The following HDAC4 variants were observed in gnomAD, a reference collection of about 807,000 sequenced individuals.
HDAC4 encodes histone deacetylase A.
A neutral mutation model predicts 135.1 loss-of-function variants in HDAC4; 16 were observed. That is an observed-to-expected ratio of 0.12 (90% CI 0.08 to 0.18). The LOEUF is 0.18. Ranked by LOEUF, HDAC4 falls within the 10% of genes least tolerant of loss-of-function variation. The pLI is 1.00. For missense variants in HDAC4, 1,143 were observed against 1,511.8 expected (o/e 0.76, Z 4.05); for synonymous variants, 685 against 653.4 (o/e 1.05, Z -0.74).
chr2:239,395,490 G>C (rs536277969), intron 1 of HDAC4, among the ~76,000 whole-genome samples: 58 of 152,296 alleles, frequency 3.8e-4, no homozygotes, highest in African/African-American at 1.3e-3. Context: ...ACTTGCCAAG[G>C]ACTTAAAGAG....
chr2:239,063,057 G>A (rs1431750215), intron 24 of HDAC4, among the ~76,000 whole-genome samples: 1 of 152,146 alleles, frequency 6.6e-6, no homozygotes, highest in Non-Finnish European at 1.5e-5. Context: ...TAAGTCTTGT[G>A]CCCTTGGGGC....
Position 239,139,463 on chromosome 2 carries a change from G to T in HDAC4, c.978+221C>A, listed in dbSNP as rs766937872. 6.6e-6 allele frequency among the ~76,000 whole-genome samples: 1 copy of T among 152,200 alleles called. No individual in the cohort carries two copies. On this transcript the variant is annotated intron_variant, in intron 9 of 26. Coordinates refer to ENST00000543185, the MANE Select transcript of HDAC4 (RefSeq NM_001378414.1). The surrounding 1 kb of genome is among the most constrained non-coding windows in gnomAD (Gnocchi z 5.3). ...CTCAGGGCTGTCCCCGACGTGCCTGGAACTAGCGTGTTCATAATGAAAGGA... is the reference window on the plus strand; with the variant it reads ...CTCAGGGCTGTCCCCGACGTGCCTGTAACTAGCGTGTTCATAATGAAAGGA...
At chr2:239,126,725 G>A in intron 11 of HDAC4, 31 bp from the exon 12 acceptor site, 1 of 1,607,954 alleles carries the variant, frequency 6.2e-7, no homozygotes, top group Non-Finnish European at 8.5e-7. Flanking sequence ...AAACAGCAGA[G>A]GGGAAGAGGA....
intron 5 of HDAC4, among the ~76,000 whole-genome samples, chr2:239,172,293 A>AAAAATATATAT (rs1278028621): frequency 7.0e-5 from 8 of 115,052 alleles, no homozygotes; most frequent in African/African-American, 2.5e-4. Flanking sequence ...GGTGAAAAAA[A>AAAAATATATAT]ATATATATAT....
chr2:239,365,258 T>C (rs764486725), intron 1 of HDAC4, among the ~76,000 whole-genome samples: 7 of 152,246 alleles, frequency 4.6e-5, no homozygotes, highest in Non-Finnish European at 7.3e-5. Flanking sequence ...GCGCAAGACT[T>C]CAGATATTTT....
At chr2:239,284,687 G>A (rs1356668363) in intron 2 of HDAC4, among the ~76,000 whole-genome samples, 2 of 152,150 alleles carry the variant, frequency 1.3e-5, no homozygotes, top group African/African-American at 2.4e-5. Context: ...GGGGCCTCCA[G>A]GATCTGCAGG....
At position 239,285,965 on chromosome 2, in the gene HDAC4, C is replaced by T. The variant is rs145648655; in HGVS notation, c.23-49301G>A. 3.9e-3 allele frequency among the ~76,000 whole-genome samples: 588 copies of T among 152,142 alleles called. 5 individuals are homozygous for T. Among genetic ancestry groups the T allele is most frequent in the Non-Finnish European group, 6.3e-3 (426 of 68,000 alleles). ...CAAACAGTAAGACCAGCGAGACATA[C>T]GCTCCCAAGCAAACACAAGCCAACA... is the stretch of plus-strand genomic sequence containing the variant. On this transcript the variant is annotated intron_variant, in intron 2 of 26. Coordinates refer to ENST00000543185, the MANE Select transcript of HDAC4 (RefSeq NM_001378414.1). The surrounding 1 kb of genome is among the most constrained non-coding windows in gnomAD (Gnocchi z 4.5).
Position 239,108,064 on chromosome 2 carries a change from G to A in HDAC4, c.2098C>T (p.Arg700Trp), listed in dbSNP as rs750171912. ...GTCGGCGTTACCTCGCATTTGCCCC[G>A]GAGGCCCGTCTCCTGCAGGCGGGAC... ...IWSRLQETGL[R>W]GKCECIRGRK... is the part of the protein sequence containing the mutation. Residue 700 changes from arginine (R) to tryptophan (W), a missense_variant, in exon 15 of 27, where the codon CGG becomes TGG. This residue lies in a region of HDAC4 where 47 missense variants were observed against 117.2 expected (regional missense o/e 0.40). Coordinates refer to ENST00000543185, the MANE Select transcript of HDAC4 (RefSeq NM_001378414.1). 5 of 1,610,886 alleles carry A rather than the reference G, an allele frequency of 3.1e-6. No homozygotes were observed. The highest frequency in any genetic ancestry group is 1.1e-5 in the South Asian group (1 of 90,970).
rs61007856 is a variant in HDAC4, at chr2:239,335,508, CAAAA to C, written c.22+17166_22+17169del. Reference sequence around the variant, plus strand: ...ATTAAAATTAAGAGCATCTGTTCAGCAAAAAAAAAAAAAAAAAAAAAACACCATT... The same window carrying C: ...ATTAAAATTAAGAGCATCTGTTCAGCAAAAAAAAAAAAAAAAAACACCATT... On this transcript the variant is annotated intron_variant, in intron 2 of 26. Transcript: ENST00000543185. 2.7e-3 allele frequency among the ~76,000 whole-genome samples: 161 copies of C among 59,380 alleles called. 1 individual carries two copies. The highest frequency in any genetic ancestry group is 7.4e-3 in the African/African-American group (143 of 19,210). 39.0% of individuals were successfully genotyped at this position (59,380 alleles called of 152,430 possible).
chr2:239,066,458 G>A (rs1003403880), intron 24 of HDAC4, among the ~76,000 whole-genome samples: 5 of 152,216 alleles, frequency 3.3e-5, no homozygotes, highest in African/African-American at 9.6e-5. Flanking sequence ...GGGTGCAGTC[G>A]CACCGCAGAG....
Position 239,126,567 on chromosome 2 carries a change from C to G in HDAC4, c.1422G>C (p.Pro474=), listed in dbSNP as rs150683082. 14 of 1,613,594 alleles carry G rather than the reference C, an allele frequency of 8.7e-6. No homozygotes were observed. The highest frequency in any genetic ancestry group is 1.7e-5 in the Admixed American group (1 of 59,960). Residue 474 remains proline (P), a synonymous_variant, in exon 12 of 27, where the codon CCG becomes CCC. Coordinates refer to ENST00000543185, the MANE Select transcript of HDAC4 (RefSeq NM_001378414.1). ...GCAGAGCCTGGGCGTTCTGGGGCAG[C>G]GGGGCCGACTGGGTCCGCCCCAGTG... ...HRPLGRTQSA[P]LPQNAQALQH...
At chr2:239,107,790 G>A (rs1257360952) in intron 15 of HDAC4, among the ~76,000 whole-genome samples, 3 of 152,134 alleles carry the variant, frequency 2.0e-5, no homozygotes, top group Non-Finnish European at 2.9e-5. Context: ...AGGTGGGAGC[G>A]AAACATCAGG....
At position 239,308,579 on chromosome 2, in the gene HDAC4, C is replaced by T. The variant is rs538397579; in HGVS notation, c.22+44099G>A. 6.6e-6 allele frequency among the ~76,000 whole-genome samples: 1 copy of T among 152,302 alleles called. No homozygotes were observed. Among genetic ancestry groups the T allele is most frequent in the Admixed American group, 6.5e-5 (1 of 15,304 alleles). ...AGATACTGCTTCCGGAACCACACTT[C>T]GTATCCAGGTGAGCTCGTTTTTTGT... is the stretch of plus-strand genomic sequence containing the variant. On this transcript the variant is annotated intron_variant, in intron 2 of 26. Coordinates refer to ENST00000543185, the MANE Select transcript of HDAC4 (RefSeq NM_001378414.1). The surrounding 1 kb of genome is among the most constrained non-coding windows in gnomAD (Gnocchi z 4.2).
At chr2:239,268,320 G>A (rs72990715) in intron 2 of HDAC4, among the ~76,000 whole-genome samples, 19,330 of 152,310 alleles carry the variant, frequency 0.13, 1,462 homozygotes, top group South Asian at 0.19. Flanking sequence ...GTCCTGGAAG[G>A]AGCAGGGCCC....
chr2:239,251,845 G>A (rs1352365468), intron 2 of HDAC4, among the ~76,000 whole-genome samples: 1 of 152,126 alleles, frequency 6.6e-6, no homozygotes, highest in African/African-American at 2.4e-5. Flanking sequence ...AGAAGCAGGT[G>A]TACCATGTGC....
intron 3 of HDAC4, among the ~76,000 whole-genome samples, chr2:239,200,215 T>A (rs1329460381): frequency 6.6e-6 from 1 of 151,922 alleles, no homozygotes; most frequent in Non-Finnish European, 1.5e-5. Context: ...TGACCTGCCA[T>A]CCCTCCTCAG....
At chr2:239,071,287 C>T (rs1165353474) in intron 22 of HDAC4, among the ~76,000 whole-genome samples, 2 of 152,090 alleles carry the variant, frequency 1.3e-5, no homozygotes, top group Non-Finnish European at 2.9e-5. Flanking sequence ...TGGTGGCATG[C>T]ACCTATAATC....
intron 1 of HDAC4, among the ~76,000 whole-genome samples, chr2:239,373,972 A>G (rs999455943): frequency 6.6e-6 from 1 of 152,218 alleles, no homozygotes; most frequent in Non-Finnish European, 1.5e-5. Flanking sequence ...AGATATGAAC[A>G]ATTGACCAGC....
chr2:239,226,953 G>A (rs756780302), intron 3 of HDAC4, among the ~76,000 whole-genome samples: 23 of 152,238 alleles, frequency 1.5e-4, no homozygotes, highest in Non-Finnish European at 2.5e-4. Flanking sequence ...AGATTCTGCT[G>A]AAACAGTGTG....
Sources: gnomAD v4.1 joint callset for allele counts (sites outside exome capture counted in the v4.1 genomes callset) on GRCh38, gnomAD v4.1.1 for gene constraint, gnomAD v4.1.1 regional missense constraint, Gnocchi (gnomAD v3.1) non-coding constraint, MANE v1.5 for transcripts, NCBI Gene and HGNC (gene_info 2026-07-23, HGNC 2026-07-21) for gene names.